The following WT1 variants were observed in gnomAD, a reference collection of about 807,000 sequenced individuals.
WT1 encodes the protein Wilms tumor protein.
In WT1, 8 loss-of-function variants were observed where a neutral mutation model predicts 60.8. The ratio of observed to expected loss-of-function variants is 0.13; its 90% CI spans 0.08 to 0.24. The LOEUF (loss-of-function observed/expected upper bound fraction) is 0.24. Ranked by LOEUF, WT1 falls within the 10% of genes least tolerant of loss-of-function variation. The pLI is 1.00. For missense variants in WT1, 568 were observed against 711.8 expected (o/e 0.80, Z 2.30); for synonymous variants, 312 against 297.1 (o/e 1.05, Z -0.52).
At chr11:32,413,630 G>A (rs1013294319) in intron 5 of WT1, among the ~76,000 whole-genome samples, 1 of 152,186 alleles carries the variant, frequency 6.6e-6, no homozygotes, top group Admixed American at 6.5e-5. Flanking sequence ...AATCAATCTA[G>A]TACATCACAA....
intron 5 of WT1, among the ~76,000 whole-genome samples, chr11:32,408,514 T>TAAAAAAAAAAAAAAAAAAAAAAAAAAAA (rs58685266): frequency 1.3e-5 from 1 of 74,236 alleles, no homozygotes; most frequent in African/African-American, 4.6e-5. Flanking sequence ...GACTACGTCT[T>TAAAAAAAAAAAAAAAAAAAAAAAAAAAA]AAAAAAAAAA....
intron 3 of WT1, among the ~76,000 whole-genome samples, chr11:32,422,425 C>T (rs1852884675): frequency 6.6e-6 from 1 of 152,218 alleles, no homozygotes; most frequent in Non-Finnish European, 1.5e-5. Flanking sequence ...GACCTTCCAC[C>T]TTCTGCCTAT....
At chr11:32,415,751 C>A (rs1211154190) in intron 5 of WT1, among the ~76,000 whole-genome samples, 1 of 152,170 alleles carries the variant, frequency 6.6e-6, no homozygotes, top group East Asian at 1.9e-4. Context: ...AAAGCCTTTT[C>A]TTTGTGGTCC....
chr11:32,420,555 C>T (rs79379073), intron 3 of WT1, among the ~76,000 whole-genome samples: 2,200 of 152,264 alleles, frequency 0.014, 48 homozygotes, highest in African/African-American at 0.05. Flanking sequence ...AATTCTGAGT[C>T]CCCATTTATT....
intron 5 of WT1, among the ~76,000 whole-genome samples, chr11:32,406,771 C>T (rs12288783): frequency 0.016 from 2,400 of 152,210 alleles, 60 homozygotes; most frequent in African/African-American, 0.055. Flanking sequence ...AAAATGTATC[C>T]TGAGAAAATT....
At chr11:32,412,503 A>G (rs1413405652) in intron 5 of WT1, among the ~76,000 whole-genome samples, 1 of 151,972 alleles carries the variant, frequency 6.6e-6, no homozygotes, top group East Asian at 1.9e-4. Context: ...GTGTTTCTCC[A>G]TTTTGCAGGA....
intron 3 of WT1, among the ~76,000 whole-genome samples, chr11:32,422,540 C>T (rs1375958009): frequency 6.6e-6 from 1 of 152,234 alleles, no homozygotes; most frequent in Non-Finnish European, 1.5e-5. Context: ...ATTTTATTTT[C>T]TTGGGCATGG....
intron 1 of WT1, among the ~76,000 whole-genome samples, chr11:32,431,294 G>A (rs1254949477): frequency 6.6e-6 from 1 of 152,186 alleles, no homozygotes; most frequent in African/African-American, 2.4e-5. Flanking sequence ...CTGTGTGACC[G>A]GAAGAGGGAG....
chr11:32,435,251 C>T lies in WT1; in HGVS notation c.110G>A (p.Gly37Glu). The T allele has an allele frequency of 2.0e-6, 3 of 1,535,864 alleles. No individual in the cohort carries two copies. The highest frequency in any genetic ancestry group is 1.4e-5 in the African/African-American group (1 of 73,168). Residue 37 changes from glycine (G) to glutamate (E), a missense_variant, in exon 1 of 10, where the codon GGA becomes GAA. This residue lies in a region of WT1 where 523 missense variants were observed against 565.1 expected (regional missense o/e 0.93). Coordinates refer to ENST00000452863, the MANE Select transcript of WT1 (RefSeq NM_024426.6). ...CCAGATGCCGCCCGGGTCCCGGACT[C>T]CCTGCTGCTCTGGCTGCTGTAGGCA... is the stretch of plus-strand genomic sequence containing the variant.
chr11:32,420,186 AAAATT>A (rs1852810644), intron 3 of WT1, among the ~76,000 whole-genome samples: 1 of 152,252 alleles, frequency 6.6e-6, no homozygotes, highest in Non-Finnish European at 1.5e-5. Flanking sequence ...TGCTATTTGA[AAAATT>A]AATTCCACAG....
chr11:32,395,841 A>T (rs1851953308), intron 7 of WT1, among the ~76,000 whole-genome samples: 1 of 152,094 alleles, frequency 6.6e-6, no homozygotes, highest in Non-Finnish European at 1.5e-5. Context: ...TTACTGACCC[A>T]AGCAGGTAAG....
At chr11:32,422,779 G>A (rs146015252) in intron 3 of WT1, among the ~76,000 whole-genome samples, 11 of 152,320 alleles carry the variant, frequency 7.2e-5, no homozygotes, top group South Asian at 2.1e-4. Flanking sequence ...TTCCAGAGTC[G>A]GAGTGGTTTC....
intron 2 of WT1, 102 bp downstream of exon 2, chr11:32,428,395 T>C: frequency 6.3e-7 from 1 of 1,579,510 alleles, no homozygotes; most frequent in Non-Finnish European, 8.6e-7. Context: ...TCCTTTTAGA[T>C]GTCCTCCTTT....
chr11:32,431,556 C>G (rs972923242), intron 1 of WT1, among the ~76,000 whole-genome samples: 2 of 151,730 alleles, frequency 1.3e-5, no homozygotes, highest in Non-Finnish European at 2.9e-5. Flanking sequence ...TGTGCCTCAG[C>G]CTCCCGAGTA....
At chr11:32,416,147 G>GA (rs1302681942) in intron 5 of WT1, among the ~76,000 whole-genome samples, 1 of 152,218 alleles carries the variant, frequency 6.6e-6, no homozygotes, top group Non-Finnish European at 1.5e-5. Context: ...AGTTAAGACT[G>GA]AAAGCTTTGA....
intron 8 of WT1, 30 bp from the exon 9 acceptor site, chr11:32,392,094 C>A (rs2132915712): frequency 1.2e-6 from 2 of 1,607,482 alleles, no homozygotes; most frequent in Non-Finnish European, 1.7e-6. Flanking sequence ...CTAGCCTCGG[C>A]CCTAACAATG....
chr11:32,402,369 T>C lies in WT1; in HGVS notation c.1017-2325A>G, dbSNP rs577130444. Among the ~76,000 whole-genome samples, 3 of 152,312 alleles carry C rather than the reference T, an allele frequency of 2.0e-5. No individual in the cohort carries two copies. The East Asian group carries it at 5.8e-4, about 29-fold the overall frequency. ...GAGGCTGTGTCTGCCTTCCTTTCAA[T>C]TACTTGGTACAGACAGTGGGAAAGT... On this transcript the variant is annotated intron_variant, in intron 5 of 9. Transcript: ENST00000452863.
Position 32,435,209 on chromosome 11 carries a change from GC to G in WT1, c.151del (p.Ala51ProfsTer31), listed in dbSNP as rs776155094. 6 of 1,533,066 alleles carry G rather than the reference GC, an allele frequency of 3.9e-6. No homozygotes were observed. The highest frequency in any genetic ancestry group is 5.2e-6 in the Non-Finnish European group (6 of 1,145,590). The allele number at this position is 1,533,066 out of a possible 1,614,324, so 95.0% of individuals were successfully genotyped here. A position where few individuals can be genotyped will look rare whatever the true frequency, so the allele number is the denominator to read the frequency against. On this transcript the variant is annotated frameshift_variant, in exon 1 of 10. Coordinates refer to ENST00000452863, the MANE Select transcript of WT1 (RefSeq NM_024426.6). LOFTEE classifies it high-confidence loss of function. ...CTGGAGACGTTCAGCGCTGGCCTCG[GC>G]GGCGCCTAACTTGGCCCAGATGCCG...
intron 3 of WT1, among the ~76,000 whole-genome samples, chr11:32,425,180 G>GAAAAAA (rs10540778): frequency 5.0e-5 from 6 of 119,284 alleles, no homozygotes; most frequent in Admixed American, 1.8e-4. Context: ...GTCTCGAAAA[G>GAAAAAA]AAAAAAAAAA....
Sources: gnomAD v4.1 joint callset for allele counts (sites outside exome capture counted in the v4.1 genomes callset) on GRCh38, gnomAD v4.1.1 for gene constraint, gnomAD v4.1.1 regional missense constraint, MANE v1.5 for transcripts, NCBI Gene and HGNC (gene_info 2026-07-23, HGNC 2026-07-21) for gene names.